LPAR1: variants seen among roughly 807,000 people sequenced by gnomAD.
The protein encoded by LPAR1 is LPA receptor 1.
In LPAR1, 5 loss-of-function variants were observed where a neutral mutation model predicts 23.8. The ratio of observed to expected loss-of-function variants is 0.21; its 90% CI spans 0.11 to 0.44. LPAR1 has a LOEUF of 0.44. LPAR1 is among the 20% of genes least tolerant of loss of function. The probability of loss-of-function intolerance (pLI) is 0.99; values close to 1 mark genes in which losing one functional copy is unlikely to be tolerated. For synonymous variants in LPAR1, 160 were observed against 164.7 expected (o/e 0.97, Z 0.22); for missense variants, 311 against 482.8 (o/e 0.64, Z 3.33).
intron 2 of LPAR1, among the ~76,000 whole-genome samples, chr9:111,021,426 T>C (rs1156535429): frequency 6.6e-6 from 1 of 152,198 alleles, no homozygotes; most frequent in Non-Finnish European, 1.5e-5. Context: ...GTCATTAAAA[T>C]TGAATTCATC....
chr9:110,912,107 A>T (rs1245267602), intron 5 of LPAR1, among the ~76,000 whole-genome samples: 1 of 152,250 alleles, frequency 6.6e-6, no homozygotes, highest in East Asian at 1.9e-4. Context: ...AGGAAAGCAC[A>T]GTATCAATGC....
At chr9:110,964,941 G>T (rs1441725424) in intron 4 of LPAR1, among the ~76,000 whole-genome samples, 1 of 132,084 alleles carries the variant, frequency 7.6e-6, no homozygotes, top group Non-Finnish European at 1.5e-5. Context: ...TCGGCTCACT[G>T]CAACCTGCCA....
intron 2 of LPAR1, among the ~76,000 whole-genome samples, chr9:110,995,652 A>G (rs971537161): frequency 1.3e-5 from 2 of 152,226 alleles, no homozygotes; most frequent in Admixed American, 1.3e-4. Flanking sequence ...TGATTTTACC[A>G]ACTTGAGGGA....
At chr9:110,884,995 CA>C (rs1228459356) in intron 5 of LPAR1, among the ~76,000 whole-genome samples, 1 of 152,030 alleles carries the variant, frequency 6.6e-6, no homozygotes, top group Non-Finnish European at 1.5e-5. Flanking sequence ...TAGCTATATC[CA>C]TTTCACTACT....
intron 2 of LPAR1, among the ~76,000 whole-genome samples, chr9:111,029,881 T>G (rs2097766019): frequency 1.3e-5 from 2 of 151,490 alleles, no homozygotes; most frequent in African/African-American, 4.9e-5. Context: ...TGAAACCCCA[T>G]CTCTACCAAA....
intron 2 of LPAR1, among the ~76,000 whole-genome samples, chr9:110,974,031 C>T (rs1433351203): frequency 1.3e-5 from 2 of 151,908 alleles, no homozygotes; most frequent in Non-Finnish European, 2.9e-5. Context: ...ATTAGCTGGG[C>T]GTGGTGGCAC....
At chr9:110,879,248 T>A (rs977867365) in intron 5 of LPAR1, among the ~76,000 whole-genome samples, 5 of 151,798 alleles carry the variant, frequency 3.3e-5, no homozygotes, top group East Asian at 1.9e-4. Flanking sequence ...TGAAACCGCA[T>A]CTCTACTAAA....
intron 5 of LPAR1, among the ~76,000 whole-genome samples, chr9:110,940,452 T>TG (rs1465102665): frequency 2.6e-5 from 4 of 152,134 alleles, no homozygotes; most frequent in African/African-American, 9.7e-5. Context: ...TGAATTTCTG[T>TG]GGGGAAAGAG....
intron 5 of LPAR1, among the ~76,000 whole-genome samples, chr9:110,904,182 T>C (rs1261877470): frequency 6.6e-6 from 1 of 151,884 alleles, no homozygotes; most frequent in Non-Finnish European, 1.5e-5. Context: ...AGAAAGAAAA[T>C]GATGGAAGAT....
chr9:111,037,195 C>G (rs2097911411), intron 1 of LPAR1, among the ~76,000 whole-genome samples: 1 of 152,174 alleles, frequency 6.6e-6, no homozygotes, highest in African/African-American at 2.4e-5. Flanking sequence ...TAGAGGATTT[C>G]GCTGTGATCA....
rs371287192 is a variant in LPAR1, at chr9:110,956,753, T to TAAACAGACCA, written c.46-14595_46-14586dup. Among the ~76,000 whole-genome samples, 1,288 of 152,152 alleles carry TAAACAGACCA rather than the reference T, an allele frequency of 8.5e-3. 21 individuals are homozygous for TAAACAGACCA. Among genetic ancestry groups the TAAACAGACCA allele is most frequent in the African/African-American group, 0.029 (1,217 of 41,502 alleles). On this transcript the variant is annotated intron_variant, in intron 4 of 5. Coordinates refer to ENST00000683809, the MANE Select transcript of LPAR1 (RefSeq NM_001351411.2). ...AGATTGAATCAAAAAGTGGAAAACC[T>TAAACAGACCA]AAACAGACCAACAATGAATAATGAG...
At chr9:110,972,894 C>T (rs1303106521) in intron 3 of LPAR1, among the ~76,000 whole-genome samples, 1 of 151,904 alleles carries the variant, frequency 6.6e-6, no homozygotes, top group African/African-American at 2.4e-5. Context: ...TTGCAGTGAT[C>T]CAAGATGGCA....
At chr9:110,992,036 C>G (rs1040099532) in intron 2 of LPAR1, among the ~76,000 whole-genome samples, 1 of 150,684 alleles carries the variant, frequency 6.6e-6, no homozygotes, top group African/African-American at 2.4e-5. Flanking sequence ...AAAGCAGGAT[C>G]TATAAAGAAC....
At chr9:110,911,897 C>T (rs988380590) in intron 5 of LPAR1, among the ~76,000 whole-genome samples, 7 of 152,170 alleles carry the variant, frequency 4.6e-5, no homozygotes, top group Admixed American at 4.6e-4. Context: ...TATTTCCCAA[C>T]TGAGATCAGA....
Position 110,873,676 on chromosome 9 carries a change from T to C in LPAR1, c.*1745A>G, listed in dbSNP as rs981696732. ...AACATATTAAACAGGTATCACCTAA[T>C]AGGGTGGCAGCCTATCGGGGTGATT... is the stretch of plus-strand genomic sequence containing the variant. On this transcript the variant is annotated 3_prime_UTR_variant, in exon 6 of 6. Coordinates refer to ENST00000683809, the MANE Select transcript of LPAR1 (RefSeq NM_001351411.2). 2.0e-5 allele frequency: 3 copies of C among 152,246 alleles called. No homozygotes were observed. The highest frequency in any genetic ancestry group is 7.2e-5 in the African/African-American group (3 of 41,462). The allele number at this position is 152,246 out of a possible 1,614,324, so 9.4% of individuals were successfully genotyped here. A position where few individuals can be genotyped will look rare whatever the true frequency, so the allele number is the denominator to read the frequency against.
chr9:110,894,710 T>C (rs2085690356), intron 5 of LPAR1, among the ~76,000 whole-genome samples: 1 of 152,116 alleles, frequency 6.6e-6, no homozygotes, highest in South Asian at 2.1e-4. Flanking sequence ...GTCAGTCCTC[T>C]TTTTGCTTAA....
intron 2 of LPAR1, among the ~76,000 whole-genome samples, chr9:110,996,696 TTACAGTAA>T (rs2139969693): frequency 6.6e-6 from 1 of 152,310 alleles, no homozygotes; most frequent in South Asian, 2.1e-4. Context: ...TTTCCCCATT[TTACAGTAA>T]TACAGTGCTG....
At chr9:110,889,099 C>T (rs1029822763) in intron 5 of LPAR1, among the ~76,000 whole-genome samples, 1 of 152,178 alleles carries the variant, frequency 6.6e-6, no homozygotes, top group Non-Finnish European at 1.5e-5. Context: ...CAGTGGCTCT[C>T]ACCTGTAATC....
chr9:111,029,817 G>C lies in LPAR1; in HGVS notation c.-182+6305C>G, dbSNP rs558980741. The stretch of plus-strand genomic sequence containing the variant: ...TGTAAACCCAGCACTTTGAGAGGCC[G>C]AGGCGGGTGGTTCACTTGAGGCCAG... On this transcript the variant is annotated intron_variant, in intron 2 of 5. Coordinates refer to ENST00000683809, the MANE Select transcript of LPAR1 (RefSeq NM_001351411.2). Among the ~76,000 whole-genome samples the C allele has an allele frequency of 2.0e-5, 3 of 151,822 alleles. No individual in the cohort carries two copies. The East Asian group carries it at 5.8e-4, about 29-fold the overall frequency.
Sources: allele counts gnomAD v4.1 joint callset (sites outside exome capture counted in the v4.1 genomes callset), GRCh38; gene constraint gnomAD v4.1.1; transcripts MANE v1.5; gene names NCBI Gene and HGNC (gene_info 2026-07-23, HGNC 2026-07-21).